The following DCC variants were observed in gnomAD, a reference collection of about 807,000 sequenced individuals.
The protein encoded by DCC is netrin receptor DCC.
A neutral mutation model predicts 172.5 loss-of-function variants in DCC; 58 were observed. That is an observed-to-expected ratio of 0.34 (90% CI 0.27 to 0.42). The LOEUF is 0.42. Among genes scored for constraint, DCC ranks in the 10% least tolerant of loss-of-function variants. The pLI, the probability that DCC is intolerant of heterozygous loss-of-function variation, is 1.00. For missense variants in DCC, 1,740 were observed against 1,791.0 expected (o/e 0.97, Z 0.51); for synonymous variants, 709 against 644.5 (o/e 1.10, Z -1.52).
chr18:52,624,658 T>C (rs1449774280), intron 1 of DCC, among the ~76,000 whole-genome samples: 1 of 152,176 alleles, frequency 6.6e-6, no homozygotes, highest in Non-Finnish European at 1.5e-5. Context: ...AGAAGTAATA[T>C]TGGTATTATT....
chr18:53,034,773 G>A (rs2042070254), intron 5 of DCC, among the ~76,000 whole-genome samples: 1 of 151,660 alleles, frequency 6.6e-6, no homozygotes. Context: ...AGGCCTGAAA[G>A]ATCTGGCATT....
intron 15 of DCC, among the ~76,000 whole-genome samples, chr18:53,368,293 T>C (rs1268854644): frequency 6.6e-6 from 1 of 152,162 alleles, no homozygotes; most frequent in Non-Finnish European, 1.5e-5. Flanking sequence ...CTGTTTGTAT[T>C]TGATGTTGAG....
At chr18:53,495,889 C>G (rs946916446) in intron 26 of DCC, among the ~76,000 whole-genome samples, 3 of 152,068 alleles carry the variant, frequency 2.0e-5, no homozygotes, top group Admixed American at 2.0e-4. Context: ...TCCTTTCTTC[C>G]CAAGCTGGCT....
chr18:53,441,274 C>T (rs867191569), intron 22 of DCC, among the ~76,000 whole-genome samples: 2 of 151,980 alleles, frequency 1.3e-5, no homozygotes, highest in African/African-American at 4.8e-5. Context: ...ACCTCACTGC[C>T]CTTTTGCCAG....
chr18:52,944,068 T>C lies in DCC; in HGVS notation c.985+18698T>C, dbSNP rs550456070. On this transcript the variant is annotated intron_variant, in intron 5 of 28. Transcript: ENST00000442544. Reference sequence around the variant, plus strand: ...CCACCACCTCTGGCTTGACAACTAGTGGTTAATGAAAATATCAAAGTTTGA... The same window carrying C: ...CCACCACCTCTGGCTTGACAACTAGCGGTTAATGAAAATATCAAAGTTTGA... Among the ~76,000 whole-genome samples, 14 of 152,226 alleles carry C rather than the reference T, an allele frequency of 9.2e-5. 1 individual carries two copies. The highest frequency in any genetic ancestry group is 3.1e-4 in the African/African-American group (13 of 41,544).
rs200631290 is a variant in DCC, at chr18:52,700,036, GA to G, written c.92-52017del. The stretch of plus-strand genomic sequence containing the variant: ...TGTATTCTTCACTCTTCCTTTCAGT[GA>G]TCTGTTTATGCAAAAAAAAAAAAAC... On this transcript the variant is annotated intron_variant, in intron 1 of 28. Transcript: ENST00000442544. Among the ~76,000 whole-genome samples the G allele has an allele frequency of 8.6e-3, 1,186 of 137,154 alleles. 19 individuals carry two copies. The highest frequency in any genetic ancestry group is 0.031 in the African/African-American group (1,140 of 37,056). 90.0% of individuals were successfully genotyped at this position (137,154 alleles called of 152,430 possible).
intron 7 of DCC, among the ~76,000 whole-genome samples, chr18:53,101,829 T>G (rs10469018): frequency 0.39 from 25,884 of 65,756 alleles, 2,842 homozygotes; most frequent in African/African-American, 0.57. Context: ...GTGTGTGTAT[T>G]TGTGTGTGTG....
intron 15 of DCC, among the ~76,000 whole-genome samples, chr18:53,364,755 A>G (rs1486350172): frequency 1.3e-5 from 2 of 152,242 alleles, no homozygotes; most frequent in African/African-American, 2.4e-5. Flanking sequence ...TTCCACATAC[A>G]TTATTTCATA....
intron 1 of DCC, among the ~76,000 whole-genome samples, chr18:52,480,210 A>C (rs779750377): frequency 6.6e-6 from 1 of 151,646 alleles, no homozygotes; most frequent in Non-Finnish European, 1.5e-5. Flanking sequence ...TATTCCAGAA[A>C]GAAAAAACAA....
At chr18:52,816,989 AATT>A (rs1269154588) in intron 2 of DCC, 2 of 152,112 alleles carry the variant, frequency 1.3e-5, no homozygotes, top group African/African-American at 4.8e-5. Context: ...TCCTTCCCTG[AATT>A]ATTTAAGTGT....
chr18:53,034,867 C>T (rs1345815154), intron 5 of DCC, among the ~76,000 whole-genome samples: 1 of 152,018 alleles, frequency 6.6e-6, no homozygotes, highest in African/African-American at 2.4e-5. Flanking sequence ...ACATTTCAAA[C>T]ACATTCCTGA....
intron 2 of DCC, among the ~76,000 whole-genome samples, chr18:52,850,681 C>T (rs756325536): frequency 6.6e-6 from 1 of 152,060 alleles, no homozygotes; most frequent in Non-Finnish European, 1.5e-5. Flanking sequence ...TGGAATTACA[C>T]ATTCACCCCC....
rs142289534 is a variant in DCC at position 52,812,483 on chromosome 18, G to A, written c.412+60109G>A. On this transcript the variant is annotated intron_variant, in intron 2 of 28. Transcript: ENST00000442544. ...GCACAAAGGATGCATCAGAAAGGCA[G>A]AAACACACATATTGTGCTCATCAAA... Among the ~76,000 whole-genome samples the A allele has an allele frequency of 4.0e-3, 610 of 152,270 alleles. 4 individuals carry two copies. Among genetic ancestry groups the A allele is most frequent in the Admixed American group, 9.7e-3 (149 of 15,292 alleles).
intron 2 of DCC, among the ~76,000 whole-genome samples, chr18:52,827,368 T>G (rs189006527): frequency 4.6e-5 from 7 of 152,322 alleles, no homozygotes; most frequent in Non-Finnish European, 1.0e-4. Flanking sequence ...TTAAAATGGC[T>G]GAGGTGATTT....
At chr18:52,437,870 A>G (rs140001031) in intron 1 of DCC, among the ~76,000 whole-genome samples, 73 of 152,306 alleles carry the variant, frequency 4.8e-4, no homozygotes, top group African/African-American at 1.6e-3. Context: ...AGTAAATACT[A>G]TGGTGCCTCC....
intron 2 of DCC, among the ~76,000 whole-genome samples, chr18:52,833,460 C>T (rs1259430738): frequency 6.6e-6 from 1 of 152,078 alleles, no homozygotes; most frequent in African/African-American, 2.4e-5. Context: ...ATCCCCTGCC[C>T]AATGACATTG....
intron 15 of DCC, among the ~76,000 whole-genome samples, chr18:53,375,242 T>A (rs978486711): frequency 1.3e-5 from 1 of 78,844 alleles, no homozygotes; most frequent in Admixed American, 1.2e-4. Context: ...TATCTTTATC[T>A]TTATAGTTCT....
intron 1 of DCC, among the ~76,000 whole-genome samples, chr18:52,358,529 C>T (rs2144263520): frequency 6.6e-6 from 1 of 152,274 alleles, no homozygotes; most frequent in East Asian, 1.9e-4. Flanking sequence ...TACCATATTA[C>T]CATATTTCCA....
chr18:52,424,477 T>C (rs1369292779), intron 1 of DCC, among the ~76,000 whole-genome samples: 1 of 152,094 alleles, frequency 6.6e-6, no homozygotes, highest in East Asian at 1.9e-4. Flanking sequence ...GGAAAAGCCA[T>C]GGGTATTTTA....
Sources: allele counts gnomAD v4.1 joint callset (sites outside exome capture counted in the v4.1 genomes callset), GRCh38; gene constraint gnomAD v4.1.1; transcripts MANE v1.5; gene names NCBI Gene and HGNC (gene_info 2026-07-23, HGNC 2026-07-21).